Variants in POU4F3 observed in about 807,000 individuals in gnomAD.
The protein encoded by POU4F3 is POU domain, class 4, transcription factor 3.
A neutral mutation model predicts 22.0 loss-of-function variants in POU4F3; 7 were observed. The ratio of observed to expected loss-of-function variants is 0.32; its 90% CI spans 0.18 to 0.60. The LOEUF (loss-of-function observed/expected upper bound fraction) is 0.60. POU4F3 is among the 20% of genes least tolerant of loss of function. The pLI, the probability that POU4F3 is intolerant of heterozygous loss-of-function variation, is 0.85. For missense variants in POU4F3, 457 were observed against 467.4 expected, an observed-to-expected ratio of 0.98 and a Z score of 0.21; for synonymous variants, 220 against 194.5, an observed-to-expected ratio of 1.13 and a Z score of -1.09.
rs1281667943 is a variant in POU4F3 at position 146,340,034 on chromosome 5, G to T, written c.607G>T (p.Val203Leu). ...CAAGCAGCGGCGCATCAAGCTGGGG[G>T]TGACCCAGGCGGACGTGGGCGCGGC... ...RFKQRRIKLG[V>L]TQADVGAALA... Residue 203 changes from valine to leucine, a missense_variant, in exon 2 of 2, where the codon GTG (valine) becomes TTG (leucine). This residue lies in a region of POU4F3 where 410 missense variants were observed against 385.0 expected (regional missense o/e 1.06). Coordinates refer to ENST00000646991, the MANE Select transcript of POU4F3 (RefSeq NM_002700.3). The T allele has an allele frequency of 1.9e-6, 3 of 1,614,090 alleles. No homozygotes were observed. In the South Asian group the frequency reaches 3.3e-5, roughly 18 times the overall value.
chr5:146,339,024 C>G lies in POU4F3; in HGVS notation c.-89C>G. 6.4e-7 allele frequency: 1 copy of G among 1,568,052 alleles called. No homozygotes were observed. ...AGCGAGAGGGCGAGGGGAGCGCGGG[C>G]GCTGAGCAGCGCTCACTTGGAGAGC... On this transcript the variant is annotated 5_prime_UTR_variant, in exon 1 of 2. Transcript: ENST00000646991. The surrounding 1 kb of genome is among the most constrained non-coding windows in gnomAD (Gnocchi z 4.7).
rs1760425033 is a variant in POU4F3 at position 146,339,844 on chromosome 5, G to C, written c.417G>C (p.Val139=). 6.2e-7 allele frequency: 1 copy of C among 1,608,404 alleles called. No individual in the cohort carries two copies. ...GCCTGGGCGCTCCGGAACACTCGGT[G>C]ATGCCCGCACAGATCCATCCACACC... The part of the protein sequence containing the change: ...VSGLGAPEHS[V]MPAQIHPHHL... Residue 139 remains valine, a synonymous_variant, in exon 2 of 2, where the codon GTG becomes GTC. Transcript: ENST00000646991. This position sits in a 1 kb window ranked among gnomAD's most constrained non-coding sequence, Gnocchi z 4.7.
In POU4F3 at chr5:146,340,005, G is replaced by A. The variant is rs549091190; in HGVS notation, c.578G>A (p.Arg193His). 1.9e-6 allele frequency: 3 copies of A among 1,613,428 alleles called. No individual in the cohort carries two copies. The highest frequency in any genetic ancestry group is 1.7e-6 in the Non-Finnish European group (2 of 1,180,030). Residue 193 changes from arginine (R) to histidine (H), a missense_variant, in exon 2 of 2, where the codon CGC becomes CAC. This residue lies in a region of POU4F3 where 410 missense variants were observed against 385.0 expected (regional missense o/e 1.06). Transcript: ENST00000646991. The part of the protein sequence containing the change: ...DPRELEAFAE[R>H]FKQRRIKLGV... ...CGCGAGCTGGAAGCCTTCGCCGAGCGCTTCAAGCAGCGGCGCATCAAGCTG... is the reference window on the plus strand; with the variant it reads ...CGCGAGCTGGAAGCCTTCGCCGAGCACTTCAAGCAGCGGCGCATCAAGCTG...
rs369422757 is a variant in POU4F3 at position 146,339,142 on chromosome 5, C to T, written c.30C>T (p.Phe10=). The change falls in exon 1 of 2, where the codon TTC becomes TTT. Residue 10 remains phenylalanine, a synonymous_variant. Transcript: ENST00000646991. The surrounding 1 kb of genome is among the most constrained non-coding windows in gnomAD (Gnocchi z 4.7). The part of the protein sequence containing the change: MMAMNSKQP[F]GMHPVLQEPK... Reference sequence around the variant, plus strand: ...TGGCCATGAACTCCAAGCAGCCTTTCGGCATGCACCCGGTGCTGCAAGAAC... The same window carrying T: ...TGGCCATGAACTCCAAGCAGCCTTTTGGCATGCACCCGGTGCTGCAAGAAC... 1.2e-6 allele frequency: 2 copies of T among 1,614,214 alleles called. No homozygotes were observed. The highest frequency in any genetic ancestry group is 1.7e-6 in the Non-Finnish European group (2 of 1,180,036).
rs1581279222 is a variant in POU4F3, at chr5:146,340,646, T to C, written c.*202T>C. 2 of 705,420 alleles carry C rather than the reference T, an allele frequency of 2.8e-6. No individual in the cohort carries two copies. The highest frequency in any genetic ancestry group is 5.5e-5 in the East Asian group (2 of 36,284). 43.7% of individuals were successfully genotyped at this position (705,420 alleles called of 1,614,324 possible). A position where few individuals can be genotyped will look rare whatever the true frequency, so the allele number is the denominator to read the frequency against. On this transcript the variant is annotated 3_prime_UTR_variant, in exon 2 of 2. Coordinates refer to ENST00000646991, the MANE Select transcript of POU4F3 (RefSeq NM_002700.3). Reference sequence around the variant, plus strand: ...CTTTCTATTCCCACCAAAAAAATTTTGGCGCTGGGAAAATATTGCAGAAGG... The same window carrying C: ...CTTTCTATTCCCACCAAAAAAATTTCGGCGCTGGGAAAATATTGCAGAAGG...
rs977319468 is a variant in POU4F3 at position 146,339,229 on chromosome 5, G to A, written c.117G>A (p.Pro39=). ...TGCGCCGAGTCTGTCTCCCAGCCCC[G>A]CAGGTACGTAGTGGAGCATAATTAC... ...EAMRRVCLPA[P]QLQGNIFGSF... The change falls in exon 1 of 2, where the codon CCG becomes CCA. Residue 39 remains proline (P), a synonymous_variant. Coordinates refer to ENST00000646991, the MANE Select transcript of POU4F3 (RefSeq NM_002700.3). The surrounding 1 kb of genome is among the most constrained non-coding windows in gnomAD (Gnocchi z 4.7). 1 of 1,614,198 alleles carries A rather than the reference G, an allele frequency of 6.2e-7. No individual in the cohort carries two copies. Among genetic ancestry groups the A allele is most frequent in the Non-Finnish European group, 8.5e-7 (1 of 1,180,032 alleles).
Position 146,339,106 on chromosome 5 carries a change from C to A in POU4F3, c.-7C>A, listed in dbSNP as rs769588502. On this transcript the variant is annotated 5_prime_UTR_variant, in exon 1 of 2. Transcript: ENST00000646991. This position sits in a 1 kb window ranked among gnomAD's most constrained non-coding sequence, Gnocchi z 4.7. The stretch of plus-strand genomic sequence containing the variant: ...TCACCCGCTGCCACCCTGCCAGGAG[C>A]GCGAAGATGATGGCCATGAACTCCA... 6 of 1,614,004 alleles carry A rather than the reference C, an allele frequency of 3.7e-6. No individual in the cohort carries two copies. Among genetic ancestry groups the A allele is most frequent in the Admixed American group, 3.3e-5 (2 of 60,006 alleles).
Position 146,339,161 on chromosome 5 carries a change from C to A in POU4F3, c.49C>A (p.Gln17Lys). ...GCCTTTCGGCATGCACCCGGTGCTG[C>A]AAGAACCCAAATTCTCCAGTCTGCA... is the stretch of plus-strand genomic sequence containing the variant. ...KQPFGMHPVLQEPKFSSLHSG... is the reference protein window; with the variant it reads ...KQPFGMHPVLKEPKFSSLHSG... Residue 17 changes from glutamine to lysine, a missense_variant, in exon 1 of 2, where the codon CAA becomes AAA. Physicochemically the swap from Gln to Lys is moderately conservative, Grantham distance 53. Around this residue, in one of 2 missense-constraint regions of POU4F3, gnomAD observed 410 missense variants for 385.0 expected, o/e 1.06. Transcript: ENST00000646991. The surrounding 1 kb of genome is among the most constrained non-coding windows in gnomAD (Gnocchi z 4.7). The A allele has an allele frequency of 6.2e-7, 1 of 1,614,244 alleles. No individual in the cohort carries two copies. Among genetic ancestry groups the A allele is most frequent in the South Asian group, 1.1e-5 (1 of 91,086 alleles).
rs763147341 is a variant in POU4F3, at chr5:146,339,941, G to A, written c.514G>A (p.Ala172Thr). The change falls in exon 2 of 2, where the codon GCC becomes ACC. Residue 172 changes from alanine to threonine, a missense_variant. Transcript: ENST00000646991. The surrounding 1 kb of genome is among the most constrained non-coding windows in gnomAD (Gnocchi z 4.7). ...CCCGCACACCGTGGCCCCTCATAGC[G>A]CCATGCCTGCATGCCTCAGCGACGT... ...SHPHTVAPHS[A>T]MPACLSDVES... The A allele has an allele frequency of 1.2e-6, 2 of 1,610,764 alleles. No individual in the cohort carries two copies. Among genetic ancestry groups the A allele is most frequent in the Non-Finnish European group, 1.7e-6 (2 of 1,179,942 alleles).
Position 146,339,766 on chromosome 5 carries a change from G to C in POU4F3, c.339G>C (p.Gln113His). ...LTSHPHHAVH[Q>H]GLEGDLLEHI... The stretch of plus-strand genomic sequence containing the variant: ...CACACCCTCACCACGCCGTGCACCA[G>C]GGCCTCGAAGGCGACCTGCTGGAGC... The change falls in exon 2 of 2, where the codon CAG becomes CAC. Residue 113 changes from glutamine to histidine, a missense_variant. By Grantham distance (24) the Gln-to-His change is conservative. Transcript: ENST00000646991. This position sits in a 1 kb window ranked among gnomAD's most constrained non-coding sequence, Gnocchi z 4.7. 2 of 1,613,282 alleles carry C rather than the reference G, an allele frequency of 1.2e-6. No individual in the cohort carries two copies. The highest frequency in any genetic ancestry group is 1.1e-5 in the South Asian group (1 of 91,074).
In POU4F3 at chr5:146,339,958, C is replaced by G; in HGVS notation, c.531C>G (p.Leu177=). The change falls in exon 2 of 2, where the codon CTC becomes CTG. Residue 177 remains leucine, a synonymous_variant. Transcript: ENST00000646991. This position sits in a 1 kb window ranked among gnomAD's most constrained non-coding sequence, Gnocchi z 4.7. ...CTCATAGCGCCATGCCTGCATGCCT[C>G]AGCGACGTGGAGTCAGACCCGCGCG... ...VAPHSAMPAC[L]SDVESDPREL... is the part of the protein sequence containing the mutation. 6 of 1,611,672 alleles carry G rather than the reference C, an allele frequency of 3.7e-6. No individual in the cohort carries two copies. The East Asian group carries it at 1.3e-4, about 36-fold the overall frequency.
At position 146,338,855 on chromosome 5, in the gene POU4F3, G is replaced by A. The variant is rs571765805; in HGVS notation, c.-258G>A. On this transcript the variant is annotated 5_prime_UTR_variant, in exon 1 of 2. Coordinates refer to ENST00000646991, the MANE Select transcript of POU4F3 (RefSeq NM_002700.3). Reference sequence around the variant, plus strand: ...GGCCGCCGCGGGCGCAGAAAGGCGCGCCGCTAGCTGCTGTCTCTCCTCACC... The same window carrying A: ...GGCCGCCGCGGGCGCAGAAAGGCGCACCGCTAGCTGCTGTCTCTCCTCACC... 982 of 623,232 alleles carry A rather than the reference G, an allele frequency of 1.6e-3. 6 individuals carry two copies. The African/African-American group carries it at 0.016, about 10-fold the overall frequency. 38.6% of individuals were successfully genotyped at this position (623,232 alleles called of 1,614,324 possible).
chr5:146,338,906 G>C lies in POU4F3; in HGVS notation c.-207G>C, dbSNP rs1760405291. The C allele has an allele frequency of 2.9e-5, 23 of 799,260 alleles. 1 individual carries two copies. In the South Asian group the frequency reaches 3.7e-4, roughly 13 times the overall value. 49.5% of individuals were successfully genotyped at this position (799,260 alleles called of 1,614,324 possible). ...TCCCGGGCCGCCCCTGCGAGTCCCC[G>C]GCGCGTGAGCACGCCTGCGCGCGCC... On this transcript the variant is annotated 5_prime_UTR_variant, in exon 1 of 2. Transcript: ENST00000646991.
chr5:146,339,212 G>A lies in POU4F3; in HGVS notation c.100G>A (p.Val34Ile). ...CTCTGGCTCCGAGGCCATGCGCCGA[G>A]TCTGTCTCCCAGCCCCGCAGGTACG... is the stretch of plus-strand genomic sequence containing the variant. ...LHSGSEAMRRVCLPAPQLQGN... is the reference protein window; with the variant it reads ...LHSGSEAMRRICLPAPQLQGN... Residue 34 changes from valine (V) to isoleucine (I), a missense_variant, in exon 1 of 2, where the codon GTC becomes ATC. Coordinates refer to ENST00000646991, the MANE Select transcript of POU4F3 (RefSeq NM_002700.3). The surrounding 1 kb of genome is among the most constrained non-coding windows in gnomAD (Gnocchi z 4.7). 1.2e-6 allele frequency: 2 copies of A among 1,614,252 alleles called. No individual in the cohort carries two copies. Among genetic ancestry groups the A allele is most frequent in the South Asian group, 1.1e-5 (1 of 91,090 alleles).
chr5:146,339,228 C>T lies in POU4F3; in HGVS notation c.116C>T (p.Pro39Leu). 6.2e-7 allele frequency: 1 copy of T among 1,614,192 alleles called. No homozygotes were observed. Among genetic ancestry groups the T allele is most frequent in the Non-Finnish European group, 8.5e-7 (1 of 1,180,034 alleles). ...ATGCGCCGAGTCTGTCTCCCAGCCCCGCAGGTACGTAGTGGAGCATAATTA... is the reference window on the plus strand; with the variant it reads ...ATGCGCCGAGTCTGTCTCCCAGCCCTGCAGGTACGTAGTGGAGCATAATTA... The part of the protein sequence containing the change: ...EAMRRVCLPA[P>L]QLQGNIFGSF... The change falls in exon 1 of 2, where the codon CCG becomes CTG. Residue 39 changes from proline to leucine, a missense_variant. Coordinates refer to ENST00000646991, the MANE Select transcript of POU4F3 (RefSeq NM_002700.3). The surrounding 1 kb of genome is among the most constrained non-coding windows in gnomAD (Gnocchi z 4.7).
chr5:146,339,256 G>T lies in POU4F3; in HGVS notation c.120+24G>T, dbSNP rs370216362. ...AGGTACGTAGTGGAGCATAATTACCGCTCTAAGGCACATTTTTTGACAGGC... is the reference window on the plus strand; with the variant it reads ...AGGTACGTAGTGGAGCATAATTACCTCTCTAAGGCACATTTTTTGACAGGC... On this transcript the variant is annotated intron_variant, in intron 1 of 1. Transcript: ENST00000646991. The surrounding 1 kb of genome is among the most constrained non-coding windows in gnomAD (Gnocchi z 4.7). 27 of 1,613,954 alleles carry T rather than the reference G, an allele frequency of 1.7e-5. No homozygotes were observed. Among genetic ancestry groups the T allele is most frequent in the African/African-American group, 9.3e-5 (7 of 74,896 alleles).
Position 146,339,542 on chromosome 5 carries a change from T to TTGCAGC in POU4F3, c.121_126dup. On this transcript the variant is annotated splice_polypyrimidine_tract_variant and splice_region_variant and intron_variant, in intron 1 of 1. Transcript: ENST00000646991. This position sits in a 1 kb window ranked among gnomAD's most constrained non-coding sequence, Gnocchi z 4.7. ...CTGACCGTGCTGTGCGCCTTCTCGC[T>TTGCAGC]TGCAGCTGCAGGGTAATATATTTGG... 1 of 1,614,228 alleles carries TTGCAGC rather than the reference T, an allele frequency of 6.2e-7. No homozygotes were observed. The highest frequency in any genetic ancestry group is 1.1e-5 in the South Asian group (1 of 91,090).
chr5:146,339,622 C>G lies in POU4F3; in HGVS notation c.195C>G (p.Ile65Met). ...ARAEALAAVD[I>M]VSHGKNHPFK... The stretch of plus-strand genomic sequence containing the variant: ...CCGAAGCTCTGGCGGCGGTGGATAT[C>G]GTCTCCCACGGCAAGAACCATCCGT... The change falls in exon 2 of 2, where the codon ATC becomes ATG. Residue 65 changes from isoleucine to methionine, a missense_variant. Physicochemically the swap from Ile to Met is conservative, Grantham distance 10 (BLOSUM62 1). Around this residue, in one of 2 missense-constraint regions of POU4F3, gnomAD observed 410 missense variants for 385.0 expected, o/e 1.06. Coordinates refer to ENST00000646991, the MANE Select transcript of POU4F3 (RefSeq NM_002700.3). The surrounding 1 kb of genome is among the most constrained non-coding windows in gnomAD (Gnocchi z 4.7). 1 of 1,614,184 alleles carries G rather than the reference C, an allele frequency of 6.2e-7. No individual in the cohort carries two copies. The highest frequency in any genetic ancestry group is 8.5e-7 in the Non-Finnish European group (1 of 1,180,032).
rs1321520044 is a variant in POU4F3 at position 146,339,714 on chromosome 5, C to A, written c.287C>A (p.Pro96His). 1 of 1,614,016 alleles carries A rather than the reference C, an allele frequency of 6.2e-7. No individual in the cohort carries two copies. Among genetic ancestry groups the A allele is most frequent in the East Asian group, 2.2e-5 (1 of 44,882 alleles). ...TGCACGTCCACTTCGTCCACCGTGC[C>A]CATCTCCCACCCAGCTGCGCTCACC... ...VPCTSTSSTV[P>H]ISHPAALTSH... Residue 96 changes from proline to histidine, a missense_variant, in exon 2 of 2, where the codon CCC becomes CAC. This residue lies in a region of POU4F3 where 410 missense variants were observed against 385.0 expected (regional missense o/e 1.06). Transcript: ENST00000646991. This position sits in a 1 kb window ranked among gnomAD's most constrained non-coding sequence, Gnocchi z 4.7.
Sources: gnomAD v4.1 joint callset for allele counts on GRCh38, gnomAD v4.1.1 for gene constraint, gnomAD v4.1.1 regional missense constraint, Gnocchi (gnomAD v3.1) non-coding constraint, MANE v1.5 for transcripts, NCBI Gene and HGNC (gene_info 2026-07-23, HGNC 2026-07-21) for gene names.